The following FGFR2 variants were observed in gnomAD, a reference collection of about 807,000 sequenced individuals.
FGFR2 encodes fibroblast growth factor receptor 2.
A neutral mutation model predicts 95.9 loss-of-function variants in FGFR2; 19 were observed. The observed-to-expected ratio is 0.20, with a 90% confidence interval of 0.14 to 0.29. The LOEUF (loss-of-function observed/expected upper bound fraction) is 0.29. Among genes scored for constraint, FGFR2 ranks in the 10% least tolerant of loss-of-function variants. FGFR2 has a pLI of 1.00. For missense variants in FGFR2, 707 were observed against 1,056.9 expected (o/e 0.67, Z 4.59); for synonymous variants, 392 against 393.3 (o/e 1.00, Z 0.04).
intron 4 of FGFR2, among the ~76,000 whole-genome samples, chr10:121,563,099 G>A (rs1296109268): frequency 6.6e-6 from 1 of 152,152 alleles, no homozygotes; most frequent in Non-Finnish European, 1.5e-5. Context: ...AATTAGGCTG[G>A]GCACGGTGGC....
chr10:121,574,773 G>A (rs1277100868), intron 2 of FGFR2, among the ~76,000 whole-genome samples: 2 of 152,136 alleles, frequency 1.3e-5, no homozygotes, highest in African/African-American at 4.8e-5. Context: ...GTTCTTTAAG[G>A]GGGCGAGGAA....
chr10:121,575,384 G>C (rs1382362700), intron 2 of FGFR2, among the ~76,000 whole-genome samples: 1 of 152,104 alleles, frequency 6.6e-6, no homozygotes, highest in Non-Finnish European at 1.5e-5. Context: ...GTTCATGACA[G>C]TGTTCTCCAA....
intron 4 of FGFR2, among the ~76,000 whole-genome samples, chr10:121,561,193 G>A (rs990450870): frequency 6.6e-6 from 1 of 152,114 alleles, no homozygotes; most frequent in Non-Finnish European, 1.5e-5. Context: ...GGGAGGCCGA[G>A]GCAGGCAGAT....
intron 2 of FGFR2, among the ~76,000 whole-genome samples, chr10:121,568,331 CCCA>C (rs1858015865): frequency 6.6e-6 from 1 of 152,216 alleles, no homozygotes; most frequent in Non-Finnish European, 1.5e-5. Context: ...TGAAACAGCA[CCCA>C]CCATGTTAGA....
chr10:121,567,575 A>T (rs1857874775), intron 2 of FGFR2, among the ~76,000 whole-genome samples: 1 of 152,240 alleles, frequency 6.6e-6, no homozygotes, highest in Admixed American at 6.5e-5. Flanking sequence ...GGGGTGACAG[A>T]CGATAGATAC....
At position 121,500,943 on chromosome 10, in the gene FGFR2, T is replaced by C. The variant is rs2134013369; in HGVS notation, c.1444A>G (p.Thr482Ala). 6.2e-7 allele frequency: 1 copy of C among 1,614,106 alleles called. No homozygotes were observed. The highest frequency in any genetic ancestry group is 1.1e-5 in the South Asian group (1 of 91,090). The change falls in exon 11 of 18, where the codon ACA becomes GCA. Residue 482 changes from threonine to alanine, a missense_variant. By Grantham distance (58) the Thr-to-Ala change is moderately conservative. Coordinates refer to ENST00000358487, the MANE Select transcript of FGFR2 (RefSeq NM_000141.5). ...PKWEFPRDKLTLGKPLGEGCF... is the reference protein window; with the variant it reads ...PKWEFPRDKLALGKPLGEGCF... The stretch of plus-strand genomic sequence containing the variant: ...CCTTCTCCCAGGGGCTTGCCCAGTG[T>C]CAGCCTAAATGTGTAAATAGGGGAT...
intron 9 of FGFR2, among the ~76,000 whole-genome samples, chr10:121,505,585 C>A (rs369262524): frequency 6.6e-6 from 1 of 152,162 alleles, no homozygotes; most frequent in African/African-American, 2.4e-5. Context: ...CGGGAAAAGA[C>A]GAGAAGGTAA....
rs377267427 is a variant in FGFR2 at position 121,504,964 on chromosome 10, G to A, written c.1288-1023C>T. ...ACAAGACTTTGGCCCAAGAGAACAA[G>A]AATGTGAAGTTAACCACGATCCATC... On this transcript the variant is annotated intron_variant, in intron 9 of 17. Transcript: ENST00000358487. 2.6e-5 allele frequency among the ~76,000 whole-genome samples: 4 copies of A among 152,208 alleles called. No individual in the cohort carries two copies. The East Asian group carries it at 7.7e-4, about 29-fold the overall frequency.
chr10:121,562,069 T>G (rs1283577410), intron 4 of FGFR2, among the ~76,000 whole-genome samples: 1 of 152,188 alleles, frequency 6.6e-6, no homozygotes, highest in Non-Finnish European at 1.5e-5. Flanking sequence ...GAACTCTCAT[T>G]CATTGCTGGT....
At chr10:121,504,347 T>C (rs1345367891) in intron 9 of FGFR2, among the ~76,000 whole-genome samples, 1 of 152,206 alleles carries the variant, frequency 6.6e-6, no homozygotes, top group Non-Finnish European at 1.5e-5. Flanking sequence ...ACCCGGATCA[T>C]GGATCAATGC....
intron 9 of FGFR2, among the ~76,000 whole-genome samples, chr10:121,513,694 AC>A: frequency 6.6e-6 from 1 of 152,236 alleles, no homozygotes; most frequent in Middle Eastern, 3.4e-3. Flanking sequence ...ACTCAAAATG[AC>A]AACAGCATTC....
chr10:121,567,070 G>A (rs1368105041), intron 2 of FGFR2, among the ~76,000 whole-genome samples: 3 of 152,132 alleles, frequency 2.0e-5, no homozygotes, highest in Non-Finnish European at 4.4e-5. Context: ...TCCCAGCACT[G>A]AGACAGCACC....
At chr10:121,510,778 A>ATTTAT (rs58544210) in intron 9 of FGFR2, among the ~76,000 whole-genome samples, 15,009 of 145,254 alleles carry the variant, frequency 0.1, 924 homozygotes, top group African/African-American at 0.15. Context: ...ACTGCCCTTG[A>ATTTAT]TTTATTTTAT....
intron 1 of FGFR2, among the ~76,000 whole-genome samples, chr10:121,596,196 A>T (rs1170485700): frequency 2.0e-5 from 3 of 151,984 alleles, no homozygotes; most frequent in African/African-American, 7.3e-5. Flanking sequence ...ACGCGGGAGG[A>T]GTTGTCACCC....
chr10:121,565,103 T>G (rs182174944), intron 3 of FGFR2, among the ~76,000 whole-genome samples: 1 of 134,412 alleles, frequency 7.4e-6, no homozygotes, highest in African/African-American at 2.9e-5. Flanking sequence ...ACTCAAACTC[T>G]AATAAATGAA....
intron 11 of FGFR2, among the ~76,000 whole-genome samples, chr10:121,498,858 C>T (rs934912213): frequency 6.6e-6 from 1 of 152,224 alleles, no homozygotes; most frequent in African/African-American, 2.4e-5. Context: ...GGGCTTCTGA[C>T]ACTAATGCCA....
chr10:121,526,898 G>A (rs1014849472), intron 6 of FGFR2: 14 of 396,362 alleles, frequency 3.5e-5, no homozygotes, highest in African/African-American at 1.6e-4. Context: ...TTGCAGAATC[G>A]GCTGGGGCTC....
chr10:121,555,286 T>C (rs963079622), intron 4 of FGFR2, among the ~76,000 whole-genome samples: 2 of 152,038 alleles, frequency 1.3e-5, no homozygotes, highest in South Asian at 2.1e-4. Flanking sequence ...GGCAGGAGAA[T>C]TGCTTGAACC....
At position 121,483,738 on chromosome 10, in the gene FGFR2, A is replaced by C. The variant is rs777950855; in HGVS notation, c.2261T>G (p.Val754Gly). Residue 754 changes from valine (V) to glycine (G), a missense_variant, in exon 17 of 18, where the codon GTA (valine) becomes GGA (glycine). Physicochemically the swap from Val to Gly is moderately radical, Grantham distance 109. Coordinates refer to ENST00000358487, the MANE Select transcript of FGFR2 (RefSeq NM_000141.5). ...AGTGAGAATTCGATCCAAGTCTTCT[A>C]CCAACTGCTTGAACGTTGGTCTCTG... ...PSQRPTFKQLVEDLDRILTLT... is the reference protein window; with the variant it reads ...PSQRPTFKQLGEDLDRILTLT... 1 of 1,614,084 alleles carries C rather than the reference A, an allele frequency of 6.2e-7. No individual in the cohort carries two copies. Among genetic ancestry groups the C allele is most frequent in the Non-Finnish European group, 8.5e-7 (1 of 1,180,026 alleles).
Sources: allele counts gnomAD v4.1 joint callset (sites outside exome capture counted in the v4.1 genomes callset), GRCh38; gene constraint gnomAD v4.1.1; transcripts MANE v1.5; gene names NCBI Gene and HGNC (gene_info 2026-07-23, HGNC 2026-07-21).